The following HSD17B2 variants were observed in gnomAD, a reference collection of about 807,000 sequenced individuals.
HSD17B2 encodes the protein hydroxysteroid 17-beta dehydrogenase 2.
A neutral mutation model predicts 26.9 loss-of-function variants in HSD17B2; 32 were observed. That is an observed-to-expected ratio of 1.19 (90% CI 0.90 to 1.60). The LOEUF (loss-of-function observed/expected upper bound fraction) is 1.60. HSD17B2 is among the 40% of genes most tolerant of loss of function. The probability of loss-of-function intolerance (pLI) is 0.00; values close to 1 mark genes in which losing one functional copy is unlikely to be tolerated. For synonymous variants in HSD17B2, 246 were observed against 186.7 expected (o/e 1.32, Z -2.59); for missense variants, 613 against 468.6 (o/e 1.31, Z -2.85).
intron 3 of HSD17B2, among the ~76,000 whole-genome samples, chr16:82,085,949 T>C (rs1156611927): frequency 7.4e-6 from 1 of 135,246 alleles, no homozygotes; most frequent in South Asian, 2.4e-4. Context: ...AAGATGGCTA[T>C]AATAAAAAAA....
At chr16:82,036,763 T>G (rs915536819) in intron 1 of HSD17B2, among the ~76,000 whole-genome samples, 1 of 152,188 alleles carries the variant, frequency 6.6e-6, no homozygotes, top group Non-Finnish European at 1.5e-5. Flanking sequence ...GGGAGAAAAT[T>G]CAGTCAATGG....
In HSD17B2 at chr16:82,071,044, T is replaced by C. The variant is rs137973619; in HGVS notation, c.581T>C (p.Phe194Ser). 1.5e-5 allele frequency: 25 copies of C among 1,614,118 alleles called. No homozygotes were observed. The highest frequency in any genetic ancestry group is 2.0e-5 in the Non-Finnish European group (24 of 1,180,054). ...AAACAATGCATGGCCGTGAACTTCT[T>C]TGGAACTGTGGAGGTCACAAAGACG... ...DYKQCMAVNF[F>S]GTVEVTKTFL... is the part of the protein sequence containing the mutation. The change falls in exon 3 of 5, where the codon TTT becomes TCT. Residue 194 changes from phenylalanine to serine, a missense_variant. Transcript: ENST00000199936.
intron 4 of HSD17B2, chr16:82,092,033 T>C (rs1233127407): frequency 6.6e-6 from 1 of 152,158 alleles, no homozygotes; most frequent in African/African-American, 2.4e-5. Flanking sequence ...CTCTCACCAA[T>C]TTTGATTATT....
chr16:82,072,923 G>C (rs1285665969), intron 3 of HSD17B2, among the ~76,000 whole-genome samples: 1 of 152,150 alleles, frequency 6.6e-6, no homozygotes, highest in Admixed American at 6.5e-5. Context: ...AAACAAACCA[G>C]GCATTGTGGC....
In HSD17B2 at chr16:82,070,967, TG is replaced by T. The variant is rs1300107960; in HGVS notation, c.508del (p.Val170CysfsTer13). On this transcript the variant is annotated frameshift_variant, in exon 3 of 5. Coordinates refer to ENST00000199936, the MANE Select transcript of HSD17B2 (RefSeq NM_002153.3). LOFTEE classifies it high-confidence loss of function. ...GACTGTGGGCTGTGATCAACAATGC[TG>T]GGGTGCTTGGCTTTCCAACTGATGG... The part of the protein sequence containing the change: ...RGLWAVINNA[G>X]VLGFPTDGEL... 6.2e-7 allele frequency: 1 copy of T among 1,614,144 alleles called. No individual in the cohort carries two copies. The highest frequency in any genetic ancestry group is 1.1e-5 in the South Asian group (1 of 91,086).
intron 3 of HSD17B2, among the ~76,000 whole-genome samples, chr16:82,082,833 A>G (rs1164751987): frequency 6.6e-6 from 1 of 152,204 alleles, no homozygotes; most frequent in African/African-American, 2.4e-5. Context: ...TATGACCCCA[A>G]TAACCTATGT....
chr16:82,090,449 G>C (rs1383154206), intron 3 of HSD17B2, among the ~76,000 whole-genome samples: 1 of 151,170 alleles, frequency 6.6e-6, no homozygotes, highest in African/African-American at 2.4e-5. Flanking sequence ...CTCATGAGTA[G>C]CTGGGATTAC....
chr16:82,090,873 T>G lies in HSD17B2; in HGVS notation c.665-29T>G, dbSNP rs8191224. 12,230 of 1,581,252 alleles carry G rather than the reference T, an allele frequency of 7.7e-3. 636 individuals carry two copies. In the African/African-American group the frequency reaches 0.13, roughly 16 times the overall value. ...ATGAACAAATGAACATTTCTAACTT[T>G]GCTTCTTTTTCTCCCATTATTCCCA... On this transcript the variant is annotated intron_variant, in intron 3 of 4. Coordinates refer to ENST00000199936, the MANE Select transcript of HSD17B2 (RefSeq NM_002153.3).
At chr16:82,087,457 G>A (rs931735790) in intron 3 of HSD17B2, among the ~76,000 whole-genome samples, 7 of 152,048 alleles carry the variant, frequency 4.6e-5, no homozygotes, top group South Asian at 2.1e-4. Context: ...AAACATTAAC[G>A]GCAAGATTGG....
chr16:82,097,887 G>C (rs1414186898), intron 4 of HSD17B2, 188 bp from the exon 5 acceptor site: 3 of 447,798 alleles, frequency 6.7e-6, no homozygotes, highest in Non-Finnish European at 1.1e-5. Flanking sequence ...GCAGTGAGCT[G>C]AGATCACACC....
At chr16:82,056,328 T>C (rs1868056280) in intron 1 of HSD17B2, 1 of 152,258 alleles carries the variant, frequency 6.6e-6, no homozygotes, top group South Asian at 2.1e-4. Flanking sequence ...TTACTTTTTA[T>C]GTAGTTGCTT....
intron 1 of HSD17B2, among the ~76,000 whole-genome samples, 181 bp from the exon 2 acceptor site, chr16:82,067,989 T>C (rs1438763911): frequency 5.3e-5 from 8 of 152,230 alleles, no homozygotes; most frequent in Non-Finnish European, 1.5e-5. Context: ...TGGGGAAATG[T>C]ATCTGTCTGG....
intron 3 of HSD17B2, among the ~76,000 whole-genome samples, chr16:82,077,900 G>C (rs1004528236): frequency 2.6e-5 from 4 of 152,256 alleles, no homozygotes; most frequent in African/African-American, 9.6e-5. Flanking sequence ...AAATCAAAAT[G>C]GATTCGATAC....
rs1454736786 is a variant in HSD17B2, at chr16:82,090,838, T to C, written c.665-64T>C. 5.5e-6 allele frequency: 8 copies of C among 1,454,810 alleles called. No individual in the cohort carries two copies. In the African/African-American group the frequency reaches 5.7e-5, roughly 10 times the overall value. 90.1% of individuals were successfully genotyped at this position (1,454,810 alleles called of 1,614,324 possible). On this transcript the variant is annotated intron_variant, in intron 3 of 4. Coordinates refer to ENST00000199936, the MANE Select transcript of HSD17B2 (RefSeq NM_002153.3). ...CTACATACAGTAGACACTGATTAAA[T>C]ATTTATTGGATGAACAAATGAACAT...
chr16:82,055,718 T>A (rs1914245937), intron 1 of HSD17B2, among the ~76,000 whole-genome samples: 1 of 152,206 alleles, frequency 6.6e-6, no homozygotes. Flanking sequence ...AGCAGGTTCA[T>A]GAGCTGGGGA....
At chr16:82,057,134 C>G (rs551250933) in intron 1 of HSD17B2, among the ~76,000 whole-genome samples, 1 of 151,986 alleles carries the variant, frequency 6.6e-6, no homozygotes, top group South Asian at 2.1e-4. Context: ...GTGCAGAATT[C>G]CAAATAATGT....
chr16:82,068,404 G>A (rs1242159930), intron 2 of HSD17B2, 22 bp downstream of exon 2: 1 of 1,587,920 alleles, frequency 6.3e-7, no homozygotes, highest in Non-Finnish European at 8.6e-7. Flanking sequence ...AGCACCCTCA[G>A]TGCCTTTACC....
intron 1 of HSD17B2, among the ~76,000 whole-genome samples, chr16:82,060,110 CA>C (rs751378527): frequency 1.3e-5 from 2 of 152,174 alleles, no homozygotes; most frequent in Non-Finnish European, 2.9e-5. Flanking sequence ...ATTTCTCTAA[CA>C]TTTTATTATA....
chr16:82,095,193 G>C (rs565323091), intron 4 of HSD17B2: 8 of 152,348 alleles, frequency 5.3e-5, no homozygotes, highest in Non-Finnish European at 1.5e-5. Flanking sequence ...GGACAGGGGA[G>C]AGGTAGGAGG....
Sources: allele counts gnomAD v4.1 joint callset (sites outside exome capture counted in the v4.1 genomes callset), GRCh38; gene constraint gnomAD v4.1.1; transcripts MANE v1.5; gene names NCBI Gene and HGNC (gene_info 2026-07-23, HGNC 2026-07-21).